Variants in HDAC2 observed in about 807,000 individuals in gnomAD.
The protein encoded by HDAC2 is histone deacetylase 2.
In HDAC2, 5 loss-of-function variants were observed where a neutral mutation model predicts 68.5. The ratio of observed to expected loss-of-function variants is 0.07; its 90% CI spans 0.04 to 0.15. The LOEUF (loss-of-function observed/expected upper bound fraction) is 0.15. Ranked by LOEUF, HDAC2 falls within the 10% of genes least tolerant of loss-of-function variation. The pLI, the probability that HDAC2 is intolerant of heterozygous loss-of-function variation, is 1.00. For synonymous variants in HDAC2, 182 were observed against 191.3 expected (o/e 0.95, Z 0.40); for missense variants, 291 against 600.8 (o/e 0.48, Z 5.39).
At chr6:113,948,749 A>G in intron 8 of HDAC2, 1 of 435,402 alleles carries the variant, frequency 2.3e-6, no homozygotes, top group Admixed American at 3.9e-5. Context: ...CCTTGGGTTC[A>G]AACTACAATA....
At chr6:113,951,064 C>G (rs141481111) in intron 6 of HDAC2, among the ~76,000 whole-genome samples, 1 of 152,288 alleles carries the variant, frequency 6.6e-6, no homozygotes, top group African/African-American at 2.4e-5. Flanking sequence ...CCTAAGATTT[C>G]AGAATACAGA....
At chr6:113,966,047 T>C (rs1776809307) in intron 1 of HDAC2, among the ~76,000 whole-genome samples, 1 of 152,070 alleles carries the variant, frequency 6.6e-6, no homozygotes, top group Non-Finnish European at 1.5e-5. Flanking sequence ...AAAAGAAAAA[T>C]AAAGATTCCG....
chr6:113,948,675 C>T (rs1462685682), intron 8 of HDAC2: 5 of 263,472 alleles, frequency 1.9e-5, no homozygotes, highest in Non-Finnish European at 3.6e-5. Flanking sequence ...ATAAATAATC[C>T]AATTAAGTAA....
intron 2 of HDAC2, among the ~76,000 whole-genome samples, chr6:113,959,046 T>C (rs558351818): frequency 6.6e-6 from 1 of 152,194 alleles, no homozygotes; most frequent in African/African-American, 2.4e-5. Context: ...AAAAGTCAAA[T>C]CCATATGTTC....
rs1269674546 is a variant in HDAC2, at chr6:113,935,008, G to A, written c.*6050C>T. Reference sequence around the variant, plus strand: ...TGAAAAGAACATACCTAGATTCTACGGAAATTAGAAATCTAGCCTTTTTAA... The same window carrying A: ...TGAAAAGAACATACCTAGATTCTACAGAAATTAGAAATCTAGCCTTTTTAA... On this transcript the variant is annotated 3_prime_UTR_variant, in exon 14 of 14. Coordinates refer to ENST00000519065, the MANE Select transcript of HDAC2 (RefSeq NM_001527.4). 1 of 152,082 alleles carries A rather than the reference G, an allele frequency of 6.6e-6. No homozygotes were observed. Among genetic ancestry groups the A allele is most frequent in the Non-Finnish European group, 1.5e-5 (1 of 68,020 alleles). The allele number at this position is 152,082 out of a possible 1,614,324, so 9.4% of individuals were successfully genotyped here.
At chr6:113,962,372 C>G in intron 1 of HDAC2, 1 of 915,706 alleles carries the variant, frequency 1.1e-6, no homozygotes, top group Non-Finnish European at 1.3e-6. Flanking sequence ...CTTACAGATT[C>G]ACTAGAAATG....
At chr6:113,959,863 T>TA (rs749721026) in intron 2 of HDAC2, 43 bp downstream of exon 2, 2 of 824,786 alleles carry the variant, frequency 2.4e-6, no homozygotes, top group African/African-American at 1.7e-5. Context: ...TAAAAAAAAA[T>TA]AAAAAAGATC....
rs777510155 is a variant in HDAC2 at position 113,971,101 on chromosome 6, G to C, written c.-193C>G. On this transcript the variant is annotated 5_prime_UTR_variant, in exon 1 of 14. Transcript: ENST00000519065. ...CTCGGTACCACCCGGCAGAGGTGCC[G>C]AAAGCTCGGAATCGGAGGTGGCAGC... The C allele has an allele frequency of 5.2e-6, 8 of 1,540,638 alleles. No individual in the cohort carries two copies. The highest frequency in any genetic ancestry group is 1.4e-5 in the African/African-American group (1 of 72,778).
At chr6:113,955,461 T>G (rs1776530932) in intron 5 of HDAC2, among the ~76,000 whole-genome samples, 1 of 152,166 alleles carries the variant, frequency 6.6e-6, no homozygotes, top group Admixed American at 6.5e-5. Context: ...TCCACCCACC[T>G]CGTCCTCCCA....
At chr6:113,968,851 C>A (rs1776898072) in intron 1 of HDAC2, among the ~76,000 whole-genome samples, 1 of 152,190 alleles carries the variant, frequency 6.6e-6, no homozygotes, top group South Asian at 2.1e-4. Context: ...TGTTCAGAAA[C>A]TGCTACTCAA....
Position 113,944,494 on chromosome 6 carries a change from T to A in HDAC2, c.1092-84A>T, listed in dbSNP as rs868419994. 8.1e-6 allele frequency: 10 copies of A among 1,232,388 alleles called. 2 individuals carry two copies. In the Middle Eastern group the frequency reaches 1.5e-3, roughly 189 times the overall value. The allele number at this position is 1,232,388 out of a possible 1,614,324, so 76.3% of individuals were successfully genotyped here. On this transcript the variant is annotated intron_variant, in intron 10 of 13. Transcript: ENST00000519065. Reference sequence around the variant, plus strand: ...GCAAGAGAAAATATTTAGCAAAAAATTTCATCTTTGGTCTAGCTAAACCTA... The same window carrying A: ...GCAAGAGAAAATATTTAGCAAAAAAATTCATCTTTGGTCTAGCTAAACCTA...
At chr6:113,960,706 C>T (rs1346289066) in intron 1 of HDAC2, among the ~76,000 whole-genome samples, 1 of 151,768 alleles carries the variant, frequency 6.6e-6, no homozygotes, top group Non-Finnish European at 1.5e-5. Flanking sequence ...AACAAAATCA[C>T]AGATTTTCAT....
At chr6:113,969,708 T>G (rs757241528) in intron 1 of HDAC2, 3 of 152,264 alleles carry the variant, frequency 2.0e-5, no homozygotes, top group Admixed American at 6.5e-5. Context: ...AGATTTAATG[T>G]TACTGCTCAT....
Position 113,937,640 on chromosome 6 carries a change from G to C in HDAC2, c.*3418C>G, listed in dbSNP as rs1331622650. 6.6e-6 allele frequency: 1 copy of C among 152,378 alleles called. No homozygotes were observed. The highest frequency in any genetic ancestry group is 2.4e-5 in the African/African-American group (1 of 41,450). 9.4% of individuals were successfully genotyped at this position (152,378 alleles called of 1,614,324 possible). A position where few individuals can be genotyped will look rare whatever the true frequency, so the allele number is the denominator to read the frequency against. On this transcript the variant is annotated 3_prime_UTR_variant, in exon 14 of 14. Coordinates refer to ENST00000519065, the MANE Select transcript of HDAC2 (RefSeq NM_001527.4). Reference sequence around the variant, plus strand: ...AGTCAGGAGAATCGCTTGAGCCTAGGAGTTTGTGACCAGCCTGGGCAACAC... The same window carrying C: ...AGTCAGGAGAATCGCTTGAGCCTAGCAGTTTGTGACCAGCCTGGGCAACAC...
Position 113,938,410 on chromosome 6 carries a change from T to G in HDAC2, c.*2648A>C, listed in dbSNP as rs1190766258. On this transcript the variant is annotated 3_prime_UTR_variant, in exon 14 of 14. Transcript: ENST00000519065. ...GACTTGTCTTCTAAGTTTTTGTTGG[T>G]CCACTGAACTAATTTTTTTTTTGTT... 6.6e-6 allele frequency: 1 copy of G among 152,194 alleles called. No individual in the cohort carries two copies. The highest frequency in any genetic ancestry group is 1.5e-5 in the Non-Finnish European group (1 of 68,032). 9.4% of individuals were successfully genotyped at this position (152,194 alleles called of 1,614,324 possible).
intron 13 of HDAC2, 25 bp downstream of exon 13, chr6:113,941,683 G>C: frequency 9.3e-7 from 1 of 1,076,358 alleles, no homozygotes; most frequent in Non-Finnish European, 1.4e-6. Context: ...TATGTAAAAA[G>C]TACTTGATAA....
chr6:113,965,994 AGTTTT>A (rs149749824), intron 1 of HDAC2, among the ~76,000 whole-genome samples: 12,853 of 152,184 alleles, frequency 0.084, 672 homozygotes, highest in East Asian at 0.27. Context: ...TTTGTTAAGG[AGTTTT>A]GTTTGTTTGG....
At chr6:113,962,484 T>C (rs1776707388) in intron 1 of HDAC2, 1 of 203,770 alleles carries the variant, frequency 4.9e-6, no homozygotes, top group Non-Finnish European at 8.7e-6. Flanking sequence ...CAAGAAACTG[T>C]ACCTAATATA....
intron 2 of HDAC2, 179 bp downstream of exon 2, chr6:113,959,727 A>C: frequency 2.3e-6 from 1 of 428,600 alleles, no homozygotes; most frequent in Non-Finnish European, 4.1e-6. Flanking sequence ...AAGGAAAAAG[A>C]GGGTATAGCT....
Sources: gnomAD v4.1 joint callset for allele counts (sites outside exome capture counted in the v4.1 genomes callset) on GRCh38, gnomAD v4.1.1 for gene constraint, MANE v1.5 for transcripts, NCBI Gene and HGNC (gene_info 2026-07-23, HGNC 2026-07-21) for gene names.